DOCK2: variants seen among roughly 807,000 people sequenced by gnomAD.
DOCK2 encodes dedicator of cytokinesis protein 2.
Under a neutral mutation model 248.9 loss-of-function variants are expected in DOCK2, and 87 were observed. That is an observed-to-expected ratio of 0.35 (90% CI 0.29 to 0.42). DOCK2 has a LOEUF of 0.42. DOCK2 is among the 10% of genes least tolerant of loss of function. The probability of loss-of-function intolerance (pLI) is 1.00; values close to 1 mark genes in which losing one functional copy is unlikely to be tolerated. For synonymous variants in DOCK2, 805 were observed against 821.6 expected, an observed-to-expected ratio of 0.98 and a Z score of 0.35; for missense variants, 1,747 against 2,300.2, an observed-to-expected ratio of 0.76 and a Z score of 4.92.
intron 27 of DOCK2, among the ~76,000 whole-genome samples, chr5:169,919,988 C>G (rs12519894): frequency 0.24 from 36,636 of 152,140 alleles, 4,839 homozygotes; most frequent in African/African-American, 0.34. Flanking sequence ...TTTAGTGATA[C>G]ATGTTGTCCG....
chr5:169,841,183 G>A (rs1298779106), intron 27 of DOCK2, among the ~76,000 whole-genome samples: 1 of 152,146 alleles, frequency 6.6e-6, no homozygotes, highest in African/African-American at 2.4e-5. Context: ...TGTCCACTAG[G>A]AACCTTTTCC....
At position 170,034,399 on chromosome 5, in the gene DOCK2, C is replaced by A; in HGVS notation, c.3468C>A (p.Ile1156=). The A allele has an allele frequency of 1.9e-6, 3 of 1,613,972 alleles. No individual in the cohort carries two copies. The highest frequency in any genetic ancestry group is 2.5e-6 in the Non-Finnish European group (3 of 1,179,970). The part of the protein sequence containing the change: ...DEQYMQLLES[I]LMECAAEHPT... ...CACTGCCCTCTGGTCTCTGCCGCAG[C>A]CTGATGGAATGTGCTGCAGAGCACC... The change falls in exon 35 of 52, where the codon ATC becomes ATA. Residue 1156 remains isoleucine (I), a splice_region_variant and synonymous_variant. Coordinates refer to ENST00000520908, the MANE Select transcript of DOCK2 (RefSeq NM_004946.3).
intron 27 of DOCK2, among the ~76,000 whole-genome samples, chr5:169,911,671 A>G (rs906072501): frequency 3.3e-5 from 5 of 152,226 alleles, no homozygotes; most frequent in Non-Finnish European, 5.9e-5. Context: ...AGGCCACAAT[A>G]TTAAAGTTTC....
chr5:169,907,508 T>G (rs756637072), intron 27 of DOCK2, among the ~76,000 whole-genome samples: 57 of 152,334 alleles, frequency 3.7e-4, no homozygotes, highest in Middle Eastern at 3.4e-3. Flanking sequence ...TTAATGATAA[T>G]GGTAACCACC....
At chr5:169,891,570 G>A (rs1014777849) in intron 27 of DOCK2, among the ~76,000 whole-genome samples, 1 of 152,076 alleles carries the variant, frequency 6.6e-6, no homozygotes. Context: ...TCTAGAAAAT[G>A]TAGGGGACTC....
At chr5:170,043,686 G>A (rs1426894417) in intron 38 of DOCK2, among the ~76,000 whole-genome samples, 1 of 152,228 alleles carries the variant, frequency 6.6e-6, no homozygotes, top group Non-Finnish European at 1.5e-5. Flanking sequence ...CCTCTTGAGG[G>A]CAGAGATGCT....
intron 27 of DOCK2, among the ~76,000 whole-genome samples, chr5:169,893,708 C>T (rs1773428041): frequency 6.6e-6 from 1 of 152,144 alleles, no homozygotes; most frequent in Non-Finnish European, 1.5e-5. Flanking sequence ...AAAAAAACAA[C>T]AGGAAGCCAG....
chr5:169,717,409 A>G lies in DOCK2; in HGVS notation c.2057A>G (p.Asp686Gly). 6.2e-7 allele frequency: 1 copy of G among 1,613,870 alleles called. No individual in the cohort carries two copies. Among genetic ancestry groups the G allele is most frequent in the Non-Finnish European group, 8.5e-7 (1 of 1,179,804 alleles). The change falls in exon 21 of 52, where the codon GAC (aspartate) becomes GGC (glycine). Residue 686 changes from aspartate (D) to glycine (G), a missense_variant. Coordinates refer to ENST00000520908, the MANE Select transcript of DOCK2 (RefSeq NM_004946.3). ...ALIYIIGLIA[D>G]RKFQHFNTVL... Reference sequence around the variant, plus strand: ...ATTTACATAATAGGACTCATTGCAGACCGGAAATTTCAGCATTTCAACACC... The same window carrying G: ...ATTTACATAATAGGACTCATTGCAGGCCGGAAATTTCAGCATTTCAACACC...
At chr5:169,756,960 C>T (rs1164478993) in intron 23 of DOCK2, among the ~76,000 whole-genome samples, 4 of 152,006 alleles carry the variant, frequency 2.6e-5, no homozygotes, top group African/African-American at 7.2e-5. Flanking sequence ...TTGGACTAGC[C>T]TCTTTTCAGG....
chr5:170,067,333 C>A (rs1361501948), intron 44 of DOCK2, among the ~76,000 whole-genome samples, 177 bp from the exon 45 acceptor site: 1 of 152,166 alleles, frequency 6.6e-6, no homozygotes, highest in African/African-American at 2.4e-5. Flanking sequence ...GCCAGCCTGT[C>A]TCTCCCCAGA....
At chr5:170,066,868 C>T (rs1757509524) in intron 44 of DOCK2, among the ~76,000 whole-genome samples, 1 of 152,124 alleles carries the variant, frequency 6.6e-6, no homozygotes, top group Non-Finnish European at 1.5e-5. Context: ...GCCTGCAAAT[C>T]CTAAAATATT....
At chr5:169,827,421 G>A (rs768124323) in intron 26 of DOCK2, among the ~76,000 whole-genome samples, 17 of 152,160 alleles carry the variant, frequency 1.1e-4, no homozygotes, top group Non-Finnish European at 2.2e-4. Context: ...TGTGCTCCCA[G>A]GAATACGTGC....
At chr5:169,881,502 A>G (rs1772644881) in intron 27 of DOCK2, 1 of 1,334,504 alleles carries the variant, frequency 7.5e-7, no homozygotes, top group Non-Finnish European at 1.1e-6. Context: ...GGCCACAAAC[A>G]TTCAACCTAC....
intron 46 of DOCK2, among the ~76,000 whole-genome samples, chr5:170,075,087 C>A (rs931479138): frequency 1.3e-5 from 2 of 152,218 alleles, no homozygotes; most frequent in Non-Finnish European, 2.9e-5. Flanking sequence ...TTCTGGGAGA[C>A]CTCCAATAGA....
At chr5:169,803,254 A>T in intron 26 of DOCK2, 48 bp downstream of exon 26, 1 of 1,580,740 alleles carries the variant, frequency 6.3e-7, no homozygotes, top group Non-Finnish European at 8.6e-7. Context: ...ACTAGGGCTA[A>T]GTTGATTACA....
intron 27 of DOCK2, among the ~76,000 whole-genome samples, chr5:169,845,669 G>T (rs1371468975): frequency 6.6e-6 from 1 of 152,210 alleles, no homozygotes; most frequent in Non-Finnish European, 1.5e-5. Flanking sequence ...GTAAGGAATT[G>T]CCTGTTCAGA....
intron 26 of DOCK2, among the ~76,000 whole-genome samples, chr5:169,839,007 AC>A (rs1769776940): frequency 6.6e-6 from 1 of 152,166 alleles, no homozygotes; most frequent in African/African-American, 2.4e-5. Flanking sequence ...GCAATTCCTT[AC>A]ATTAAGTGAC....
At chr5:169,810,209 T>G (rs967769243) in intron 26 of DOCK2, among the ~76,000 whole-genome samples, 4 of 152,076 alleles carry the variant, frequency 2.6e-5, no homozygotes, top group African/African-American at 9.7e-5. Context: ...TTCTTCTTTT[T>G]GCCTTCTTTT....
At chr5:170,052,937 A>G (rs1013133107) in intron 41 of DOCK2, among the ~76,000 whole-genome samples, 2 of 152,224 alleles carry the variant, frequency 1.3e-5, no homozygotes, top group African/African-American at 4.8e-5. Flanking sequence ...CAAAACATTG[A>G]GTTCTTAATG....
Sources: allele counts gnomAD v4.1 joint callset (sites outside exome capture counted in the v4.1 genomes callset), GRCh38; gene constraint gnomAD v4.1.1; transcripts MANE v1.5; gene names NCBI Gene and HGNC (gene_info 2026-07-23, HGNC 2026-07-21).